Variants in SBF2 observed in about 807,000 individuals in gnomAD.
SBF2 encodes the protein SET binding factor 2.
In SBF2, 112 loss-of-function variants were observed where a neutral mutation model predicts 225.2. The ratio of observed to expected loss-of-function variants is 0.50; its 90% CI spans 0.43 to 0.58. The LOEUF (loss-of-function observed/expected upper bound fraction) is 0.58. SBF2 is among the 20% of genes least tolerant of loss of function. The probability of loss-of-function intolerance (pLI) is 0.00; values close to 1 mark genes in which losing one functional copy is unlikely to be tolerated. For missense variants in SBF2, 1,996 were observed against 2,206.2 expected, an observed-to-expected ratio of 0.90 and a Z score of 1.91; for synonymous variants, 763 against 773.3, an observed-to-expected ratio of 0.99 and a Z score of 0.22.
chr11:9,783,599 C>G (rs143913739), intron 38 of SBF2, among the ~76,000 whole-genome samples: 1 of 152,214 alleles, frequency 6.6e-6, no homozygotes, highest in African/African-American at 2.4e-5. Flanking sequence ...TGGGTAGGAA[C>G]TGCTCTCCCT....
chr11:9,793,407 T>C (rs1447212809), intron 33 of SBF2, among the ~76,000 whole-genome samples: 5 of 151,986 alleles, frequency 3.3e-5, no homozygotes, highest in African/African-American at 7.2e-5. Flanking sequence ...TCTTTATTTT[T>C]GAGACAGGGT....
chr11:10,122,374 C>T (rs376595087), intron 2 of SBF2, among the ~76,000 whole-genome samples: 23 of 152,224 alleles, frequency 1.5e-4, no homozygotes, highest in African/African-American at 5.1e-4. Flanking sequence ...GGGTGGGAGT[C>T]TTCGAACATA....
intron 16 of SBF2, among the ~76,000 whole-genome samples, chr11:9,935,729 G>A (rs1864848496): frequency 6.6e-6 from 1 of 152,170 alleles, no homozygotes; most frequent in Non-Finnish European, 1.5e-5. Context: ...TTTAATAAAT[G>A]GTGCTGGGAA....
chr11:10,035,743 T>C (rs1189146401), intron 3 of SBF2, among the ~76,000 whole-genome samples: 2 of 152,074 alleles, frequency 1.3e-5, no homozygotes, highest in East Asian at 3.9e-4. Flanking sequence ...AGAATGGTGA[T>C]CATTAAAAAG....
intron 15 of SBF2, among the ~76,000 whole-genome samples, chr11:9,962,604 C>A (rs1276467385): frequency 6.6e-6 from 1 of 152,018 alleles, no homozygotes; most frequent in African/African-American, 2.4e-5. Context: ...ATTTAAATAT[C>A]ATAAAAAAGG....
At chr11:9,815,033 C>G (rs915654299) in intron 29 of SBF2, among the ~76,000 whole-genome samples, 4 of 152,014 alleles carry the variant, frequency 2.6e-5, no homozygotes, top group African/African-American at 9.7e-5. Context: ...ACATATCAGA[C>G]AGATACAGAG....
intron 2 of SBF2, among the ~76,000 whole-genome samples, chr11:10,170,412 C>A (rs140906748): frequency 3.9e-5 from 6 of 152,084 alleles, no homozygotes; most frequent in African/African-American, 1.2e-4. Context: ...GTTCTTGGCA[C>A]CTTTTTCAGA....
chr11:10,125,440 T>C (rs1026007319), intron 2 of SBF2, among the ~76,000 whole-genome samples: 2 of 152,316 alleles, frequency 1.3e-5, no homozygotes, highest in South Asian at 4.2e-4. Flanking sequence ...TTAATAGTAA[T>C]TTAAGAATTT....
chr11:10,210,100 G>A (rs1957881293), intron 1 of SBF2, among the ~76,000 whole-genome samples: 3 of 152,124 alleles, frequency 2.0e-5, no homozygotes, highest in South Asian at 4.1e-4. Flanking sequence ...GAGCCCAGGA[G>A]TTCCAGTTCA....
At chr11:9,817,895 C>CTAAAA (rs532311934) in intron 28 of SBF2, among the ~76,000 whole-genome samples, 16 of 152,114 alleles carry the variant, frequency 1.1e-4, no homozygotes, top group African/African-American at 2.2e-4. Flanking sequence ...GACACTGTCT[C>CTAAAA]TAAAATAAAA....
intron 32 of SBF2, among the ~76,000 whole-genome samples, chr11:9,796,362 CTG>C (rs1853125103): frequency 6.6e-6 from 1 of 151,506 alleles, no homozygotes; most frequent in Non-Finnish European, 1.5e-5. Context: ...CTACATTATA[CTG>C]TGTTTGGCAA....
chr11:10,042,421 C>T (rs1178607022), intron 3 of SBF2, among the ~76,000 whole-genome samples: 1 of 152,148 alleles, frequency 6.6e-6, no homozygotes, highest in Non-Finnish European at 1.5e-5. Context: ...AATACCACCC[C>T]TAAGAAGAAT....
At chr11:10,097,297 C>T (rs112331484) in intron 2 of SBF2, among the ~76,000 whole-genome samples, 67 of 152,292 alleles carry the variant, frequency 4.4e-4, no homozygotes, top group African/African-American at 1.4e-3. Context: ...GTGGATTTCC[C>T]GGCCTTGAGA....
intron 1 of SBF2, among the ~76,000 whole-genome samples, chr11:10,227,153 C>T (rs902260017): frequency 9.2e-5 from 14 of 152,086 alleles, no homozygotes; most frequent in Non-Finnish European, 1.8e-4. Flanking sequence ...ATATCCTTTG[C>T]CCGCTTTTTG....
At chr11:9,882,825 CA>C (rs1163905995) in intron 17 of SBF2, among the ~76,000 whole-genome samples, 4 of 142,084 alleles carry the variant, frequency 2.8e-5, no homozygotes, top group Admixed American at 7.0e-5. Context: ...AAAAAACCAC[CA>C]AAAAAAACCC....
chr11:10,259,459 C>T (rs1310261400), intron 1 of SBF2, among the ~76,000 whole-genome samples: 2 of 152,184 alleles, frequency 1.3e-5, no homozygotes, highest in Non-Finnish European at 2.9e-5. Context: ...ACAGGAAAAC[C>T]TTGTCCTTAG....
intron 1 of SBF2, among the ~76,000 whole-genome samples, chr11:10,262,018 C>A (rs183729265): frequency 1.3e-5 from 2 of 152,062 alleles, no homozygotes; most frequent in South Asian, 2.1e-4. Flanking sequence ...TATCTTAATA[C>A]ATGTTTAAAT....
At chr11:9,949,218 C>G (rs1257393598) in intron 16 of SBF2, among the ~76,000 whole-genome samples, 5 of 152,096 alleles carry the variant, frequency 3.3e-5, no homozygotes, top group Non-Finnish European at 7.4e-5. Flanking sequence ...ATAGGCTAAT[C>G]TTATATTTGA....
intron 16 of SBF2, among the ~76,000 whole-genome samples, chr11:9,931,999 C>T (rs1476159138): frequency 7.5e-6 from 1 of 133,652 alleles, no homozygotes; most frequent in East Asian, 2.1e-4. Flanking sequence ...AGCTTCAATA[C>T]CCAATTCGAT....
Sources: gnomAD v4.1 joint callset for allele counts (sites outside exome capture counted in the v4.1 genomes callset) on GRCh38, gnomAD v4.1.1 for gene constraint, MANE v1.5 for transcripts, NCBI Gene and HGNC (gene_info 2026-07-23, HGNC 2026-07-21) for gene names.